The following MATR3 variants were observed in gnomAD, a reference collection of about 807,000 sequenced individuals.
MATR3 encodes matrin 3, also known as matrin-3.
In MATR3, 4 loss-of-function variants were observed where a neutral mutation model predicts 85.5. That is an observed-to-expected ratio of 0.05 (90% CI 0.02 to 0.11). The LOEUF (loss-of-function observed/expected upper bound fraction) is 0.11. Ranked by LOEUF, MATR3 falls within the 10% of genes least tolerant of loss-of-function variation. MATR3 has a pLI of 1.00. For synonymous variants in MATR3, 336 were observed against 343.1 expected (o/e 0.98, Z 0.23); for missense variants, 685 against 1,016.1 (o/e 0.67, Z 4.43).
chr5:139,322,580 G>C lies in MATR3; in HGVS notation c.1779-18G>C, dbSNP rs1179642926. On this transcript the variant is annotated intron_variant, in intron 11 of 14. Transcript: ENST00000394805. Reference sequence around the variant, plus strand: ...TTTCAGACAACAAATTAATTGTGGTGTGTCCTTTTGATTTCAGAAAAAGAT... The same window carrying C: ...TTTCAGACAACAAATTAATTGTGGTCTGTCCTTTTGATTTCAGAAAAAGAT... The C allele has an allele frequency of 2.5e-6, 4 of 1,584,004 alleles. No homozygotes were observed. The highest frequency in any genetic ancestry group is 3.5e-6 in the Non-Finnish European group (4 of 1,155,304).
At chr5:139,297,743 C>G (rs1034870298) in intron 1 of MATR3, among the ~76,000 whole-genome samples, 5 of 152,098 alleles carry the variant, frequency 3.3e-5, no homozygotes, top group Non-Finnish European at 5.9e-5. Flanking sequence ...AGATAAAGCT[C>G]AAGGCTCTTT....
Position 139,307,358 on chromosome 5 carries a change from C to T in MATR3, c.-58C>T. 6.4e-7 allele frequency: 1 copy of T among 1,564,466 alleles called. No homozygotes were observed. Among genetic ancestry groups the T allele is most frequent in the Non-Finnish European group, 8.6e-7 (1 of 1,163,584 alleles). ...TTTCTAGTTTGAGCTTTCTTTTTGG[C>T]CGTCTTTAAAAAAATTTTTTTTTTT... is the stretch of plus-strand genomic sequence containing the variant. On this transcript the variant is annotated 5_prime_UTR_variant, in exon 2 of 15. Transcript: ENST00000394805. The surrounding 1 kb of genome is among the most constrained non-coding windows in gnomAD (Gnocchi z 4.4).
At chr5:139,283,449 T>C (rs1753604226) in intron 3 of MATR3, 2 of 152,406 alleles carry the variant, frequency 1.3e-5, no homozygotes, top group Middle Eastern at 3.4e-3. Flanking sequence ...TCCCAGCCTC[T>C]GCTACCTCTA....
rs773327188 is a variant in MATR3, at chr5:139,325,309, G to A, written c.2149-131G>A. On this transcript the variant is annotated intron_variant, in intron 12 of 14. Transcript: ENST00000394805. ...CTTTCTTAACAGCGTCGTTTTCCAGGGAGTATGGAAGGTTTTGTCACTCTA... is the reference window on the plus strand; with the variant it reads ...CTTTCTTAACAGCGTCGTTTTCCAGAGAGTATGGAAGGTTTTGTCACTCTA... 1.9e-6 allele frequency: 3 copies of A among 1,561,230 alleles called. No homozygotes were observed. The South Asian group carries it at 3.5e-5, about 18-fold the overall frequency.
intron 9 of MATR3, among the ~76,000 whole-genome samples, chr5:139,320,633 T>C (rs911131390): frequency 8.5e-5 from 13 of 152,096 alleles, no homozygotes; most frequent in African/African-American, 3.1e-4. Context: ...GAGAACATCT[T>C]TTTTGTTTTT....
At chr5:139,308,385 A>C (rs1286623408) in intron 2 of MATR3, 58 bp downstream of exon 2, 3 of 1,595,118 alleles carry the variant, frequency 1.9e-6, no homozygotes, top group Non-Finnish European at 2.6e-6. Context: ...CTATTTACCT[A>C]TATCTTTGAC....
chr5:139,304,100 G>T (rs1373445156), intron 1 of MATR3, among the ~76,000 whole-genome samples: 1 of 152,194 alleles, frequency 6.6e-6, no homozygotes, highest in Middle Eastern at 3.2e-3. Flanking sequence ...TTTAGATGTT[G>T]AATGTGAAGC....
intron 12 of MATR3, among the ~76,000 whole-genome samples, chr5:139,323,609 C>T (rs1259498806): frequency 6.6e-6 from 1 of 152,152 alleles, no homozygotes; most frequent in African/African-American, 2.4e-5. Flanking sequence ...TTAAATGGCT[C>T]ATAAAATGTC....
At chr5:139,284,389 G>A (rs1753636607) in intron 3 of MATR3, among the ~76,000 whole-genome samples, 1 of 152,156 alleles carries the variant, frequency 6.6e-6, no homozygotes, top group South Asian at 2.1e-4. Flanking sequence ...TGGATCACTT[G>A]AGGCCAGGAC....
At chr5:139,296,555 C>T (rs1391234959) in intron 1 of MATR3, among the ~76,000 whole-genome samples, 2 of 152,132 alleles carry the variant, frequency 1.3e-5, no homozygotes, top group Non-Finnish European at 2.9e-5. Context: ...TTAGAGTCCT[C>T]TGTATTTTTA....
intron 14 of MATR3, 98 bp from the exon 15 acceptor site, chr5:139,329,247 T>A: frequency 2.4e-6 from 2 of 834,278 alleles, no homozygotes; most frequent in Non-Finnish European, 4.1e-6. Context: ...ATAGTTTAAG[T>A]CCCTAAACTT....
At chr5:139,317,860 A>G in intron 7 of MATR3, 139 bp downstream of exon 7, 1 of 769,682 alleles carries the variant, frequency 1.3e-6, no homozygotes, top group Non-Finnish European at 2.1e-6. Flanking sequence ...GTAGAGGAAA[A>G]GGCCAGTAGT....
chr5:139,320,770 CAG>C (rs1315128914), intron 9 of MATR3, among the ~76,000 whole-genome samples: 1 of 105,044 alleles, frequency 9.5e-6, no homozygotes, highest in Non-Finnish European at 1.7e-5. Context: ...TTTTTTGAGA[CAG>C]AGTCTCGCTC....
chr5:139,313,534 C>T (rs536897244), intron 2 of MATR3: 2 of 152,090 alleles, frequency 1.3e-5, no homozygotes, highest in Admixed American at 6.6e-5. Flanking sequence ...TTTGTAACTT[C>T]TCTTTCTTAC....
intron 1 of MATR3, among the ~76,000 whole-genome samples, chr5:139,306,109 TTG>T (rs1291373826): frequency 6.6e-6 from 1 of 152,230 alleles, no homozygotes; most frequent in Non-Finnish European, 1.5e-5. Flanking sequence ...CTGTATGTAG[TTG>T]TGATTATAAA....
At chr5:139,300,690 ACT>A (rs1754393187) in intron 1 of MATR3, among the ~76,000 whole-genome samples, 1 of 152,168 alleles carries the variant, frequency 6.6e-6, no homozygotes, top group Non-Finnish European at 1.5e-5. Flanking sequence ...TCAGAGTCTC[ACT>A]CTGTCACCCA....
At position 139,322,519 on chromosome 5, in the gene MATR3, T is replaced by G; in HGVS notation, c.1778+13T>G. On this transcript the variant is annotated intron_variant, in intron 11 of 14. Coordinates refer to ENST00000394805, the MANE Select transcript of MATR3 (RefSeq NM_018834.6). ...AAGATAAATCCCGGTAATTTCATTTTGTTTTTCATATGTGTGAGTATATTC... is the reference window on the plus strand; with the variant it reads ...AAGATAAATCCCGGTAATTTCATTTGGTTTTTCATATGTGTGAGTATATTC... The G allele has an allele frequency of 6.4e-7, 1 of 1,573,374 alleles. No homozygotes were observed. Among genetic ancestry groups the G allele is most frequent in the African/African-American group, 1.3e-5 (1 of 74,692 alleles).
At chr5:139,296,522 A>G (rs942170133) in intron 1 of MATR3, among the ~76,000 whole-genome samples, 2 of 152,236 alleles carry the variant, frequency 1.3e-5, no homozygotes, top group Non-Finnish European at 1.5e-5. Flanking sequence ...CATATTTTGT[A>G]AATACTGTAA....
upstream of MATR3, among the ~76,000 whole-genome samples, chr5:139,292,537 C>A (rs995067182): frequency 2.0e-5 from 3 of 152,200 alleles, no homozygotes; most frequent in Non-Finnish European, 4.4e-5. Context: ...ATCCCTCCAA[C>A]CCGGGTACCT....
Sources: allele counts gnomAD v4.1 joint callset (sites outside exome capture counted in the v4.1 genomes callset), GRCh38; gene constraint gnomAD v4.1.1; non-coding constraint Gnocchi (gnomAD v3.1); transcripts MANE v1.5; gene names NCBI Gene and HGNC (gene_info 2026-07-23, HGNC 2026-07-21).